The following GRIK3 variants were observed in gnomAD, a reference collection of about 807,000 sequenced individuals.
The protein encoded by GRIK3 is glutamate ionotropic receptor kainate type subunit 3, also known as glutamate receptor ionotropic, kainate 3.
Under a neutral mutation model 102.5 loss-of-function variants are expected in GRIK3, and 29 were observed. The observed-to-expected ratio is 0.28, with a 90% confidence interval of 0.21 to 0.39. GRIK3 has a LOEUF of 0.39. Ranked by LOEUF, GRIK3 falls within the 10% of genes least tolerant of loss-of-function variation. GRIK3 has a pLI of 1.00. For synonymous variants in GRIK3, 511 were observed against 504.9 expected, an observed-to-expected ratio of 1.01 and a Z score of -0.16; for missense variants, 908 against 1,252.4, an observed-to-expected ratio of 0.73 and a Z score of 4.15.
At chr1:37,010,963 G>T (rs922403308) in intron 1 of GRIK3, among the ~76,000 whole-genome samples, 1 of 151,844 alleles carries the variant, frequency 6.6e-6, no homozygotes, top group Non-Finnish European at 1.5e-5. Flanking sequence ...GGATGATCTC[G>T]ATCTCCTGAC....
At chr1:36,860,081 C>T in intron 5 of GRIK3, 64 bp from the exon 6 acceptor site, 1 of 1,308,322 alleles carries the variant, frequency 7.6e-7, no homozygotes, top group South Asian at 1.4e-5. Flanking sequence ...AGCCCCGCCT[C>T]CTACCCACTC....
At position 36,880,186 on chromosome 1, in the gene GRIK3, G is replaced by A. The variant is rs1433671083; in HGVS notation, c.550+448C>T. 6.6e-6 allele frequency among the ~76,000 whole-genome samples: 1 copy of A among 152,200 alleles called. No homozygotes were observed. Among genetic ancestry groups the A allele is most frequent in the Non-Finnish European group, 1.5e-5 (1 of 68,040 alleles). On this transcript the variant is annotated intron_variant, in intron 3 of 15. Coordinates refer to ENST00000373091, the MANE Select transcript of GRIK3 (RefSeq NM_000831.4). The surrounding 1 kb of genome is among the most constrained non-coding windows in gnomAD (Gnocchi z 5.4). ...ATAGAGATGGGATTTACACCCAGGT[G>A]GTTTGGCTCCAGTGTGTACACACTT... is the stretch of plus-strand genomic sequence containing the variant.
chr1:36,854,418 T>C (rs1404641974), intron 7 of GRIK3, among the ~76,000 whole-genome samples: 1 of 152,160 alleles, frequency 6.6e-6, no homozygotes, highest in Non-Finnish European at 1.5e-5. Context: ...GGATAAATGG[T>C]AGCTTTTTTG....
intron 13 of GRIK3, among the ~76,000 whole-genome samples, chr1:36,811,998 C>A (rs890728736): frequency 6.6e-6 from 1 of 152,104 alleles, no homozygotes. Context: ...TGACGACAGG[C>A]GGCATCACAC....
chr1:36,914,626 G>A (rs767239469), intron 1 of GRIK3, among the ~76,000 whole-genome samples: 2 of 152,188 alleles, frequency 1.3e-5, no homozygotes, highest in Non-Finnish European at 2.9e-5. Flanking sequence ...CCACATCTCA[G>A]TCAGCCCCAC....
rs1557684284 is a variant in GRIK3 at position 36,798,750 on chromosome 1, A to G, written c.*3101T>C. On this transcript the variant is annotated 3_prime_UTR_variant, in exon 16 of 16. Coordinates refer to ENST00000373091, the MANE Select transcript of GRIK3 (RefSeq NM_000831.4). The stretch of plus-strand genomic sequence containing the variant: ...GCCAAATATCAGCCACACCGACAAC[A>G]CCTGAACATCAGGACGCAAGGTTTG... 6.6e-6 allele frequency: 1 copy of G among 152,226 alleles called. No homozygotes were observed. Among genetic ancestry groups the G allele is most frequent in the East Asian group, 1.9e-4 (1 of 5,192 alleles). The allele number at this position is 152,226 out of a possible 1,614,324, so 9.4% of individuals were successfully genotyped here.
intron 1 of GRIK3, among the ~76,000 whole-genome samples, chr1:36,898,819 CA>C (rs1455063926): frequency 1.3e-5 from 2 of 152,056 alleles, no homozygotes; most frequent in Non-Finnish European, 2.9e-5. Context: ...CTAGAGTAAT[CA>C]AAACAGTGTG....
intron 10 of GRIK3, among the ~76,000 whole-genome samples, chr1:36,837,922 T>C (rs1447653437): frequency 6.6e-6 from 1 of 152,212 alleles, no homozygotes; most frequent in Non-Finnish European, 1.5e-5. Flanking sequence ...GTCTGATCAA[T>C]GTGAGTCAGC....
chr1:36,826,680 TAA>T (rs57217516), intron 10 of GRIK3, among the ~76,000 whole-genome samples: 18,120 of 108,050 alleles, frequency 0.17, 1,104 homozygotes, highest in Non-Finnish European at 0.2. Flanking sequence ...TTTCAAAAAA[TAA>T]AAAAAAAAAA....
intron 9 of GRIK3, among the ~76,000 whole-genome samples, chr1:36,848,726 C>T (rs1278379074): frequency 6.6e-6 from 1 of 150,702 alleles, no homozygotes; most frequent in African/African-American, 2.4e-5. Context: ...TAGTCTTCAC[C>T]CTAATCCCTT....
At chr1:36,993,357 G>T (rs1275413569) in intron 1 of GRIK3, among the ~76,000 whole-genome samples, 1 of 152,092 alleles carries the variant, frequency 6.6e-6, no homozygotes, top group East Asian at 1.9e-4. Context: ...GCTTAGAACT[G>T]GGCTCAAGTG....
chr1:37,026,258 G>T (rs987961111), intron 1 of GRIK3, among the ~76,000 whole-genome samples: 1 of 152,212 alleles, frequency 6.6e-6, no homozygotes, highest in African/African-American at 2.4e-5. Context: ...GGCGGTGTCT[G>T]GGAGCTGACA....
chr1:36,825,756 G>T lies in GRIK3; in HGVS notation c.1601C>A (p.Pro534His). 1 of 1,614,026 alleles carries T rather than the reference G, an allele frequency of 6.2e-7. No individual in the cohort carries two copies. ...VREKAIDFSK[P>H]FMTLGVSILY... ...GATGCTCACACCAAGTGTCATGAAGGGCTTGGAGAAGTCGATGGCCTTCTC... is the reference window on the plus strand; with the variant it reads ...GATGCTCACACCAAGTGTCATGAAGTGCTTGGAGAAGTCGATGGCCTTCTC... The change falls in exon 11 of 16, where the codon CCC becomes CAC. Residue 534 changes from proline (P) to histidine (H), a missense_variant. Around this residue, in one of 3 missense-constraint regions of GRIK3, gnomAD observed 585 missense variants for 824.9 expected, o/e 0.71. Coordinates refer to ENST00000373091, the MANE Select transcript of GRIK3 (RefSeq NM_000831.4).
chr1:36,974,751 C>T (rs1422721202), intron 1 of GRIK3, among the ~76,000 whole-genome samples: 1 of 145,732 alleles, frequency 6.9e-6, no homozygotes, highest in Non-Finnish European at 1.5e-5. Context: ...AGTGAGCTGA[C>T]ATTGCGCCAC....
rs1409118238 is a variant in GRIK3 at position 36,817,150 on chromosome 1, T to A, written c.2001A>T (p.Glu667Asp). ...LAAFLTVERM[E>D]SPIDSADDLA... ...GGTCATCAGCAGAGTCAATGGGTGA[T>A]TCCATGCGCTCCACGGTCAGAAAGG... The change falls in exon 13 of 16, where the codon GAA becomes GAT. Residue 667 changes from glutamate (E) to aspartate (D), a missense_variant. By Grantham distance (45) the Glu-to-Asp change is conservative. Around this residue, in one of 3 missense-constraint regions of GRIK3, gnomAD observed 297 missense variants for 362.7 expected, o/e 0.82. Coordinates refer to ENST00000373091, the MANE Select transcript of GRIK3 (RefSeq NM_000831.4). The A allele has an allele frequency of 1.2e-6, 2 of 1,614,102 alleles. No individual in the cohort carries two copies.
At chr1:36,923,423 A>G (rs1429805959) in intron 1 of GRIK3, among the ~76,000 whole-genome samples, 1 of 152,070 alleles carries the variant, frequency 6.6e-6, no homozygotes, top group African/African-American at 2.4e-5. Context: ...CTGACTGGAG[A>G]CCCTAGAAAT....
In GRIK3 at chr1:36,880,545, G is replaced by T; in HGVS notation, c.550+89C>A. ...GAACACAGCCTCTTCCCCCAGGGCA[G>T]CTGTGCTGAACAAACAGACAAGAGC... On this transcript the variant is annotated intron_variant, in intron 3 of 15. Transcript: ENST00000373091. This position sits in a 1 kb window ranked among gnomAD's most constrained non-coding sequence, Gnocchi z 5.4. 1 of 1,299,238 alleles carries T rather than the reference G, an allele frequency of 7.7e-7. No individual in the cohort carries two copies. Among genetic ancestry groups the T allele is most frequent in the Non-Finnish European group, 1.1e-6 (1 of 908,386 alleles). 80.5% of individuals were successfully genotyped at this position (1,299,238 alleles called of 1,614,324 possible). A position where few individuals can be genotyped will look rare whatever the true frequency, so the allele number is the denominator to read the frequency against.
chr1:36,923,341 T>C (rs983451588), intron 1 of GRIK3, among the ~76,000 whole-genome samples: 2 of 152,202 alleles, frequency 1.3e-5, no homozygotes, highest in African/African-American at 4.8e-5. Flanking sequence ...CTAATCCATC[T>C]GTTAAAGGGA....
intron 1 of GRIK3, among the ~76,000 whole-genome samples, chr1:36,905,787 A>G (rs1303733988): frequency 1.3e-5 from 2 of 152,244 alleles, no homozygotes; most frequent in Admixed American, 6.5e-5. Flanking sequence ...AAAATGTGAA[A>G]ACAAACACAC....
Sources: allele counts gnomAD v4.1 joint callset (sites outside exome capture counted in the v4.1 genomes callset), GRCh38; gene constraint gnomAD v4.1.1; regional missense constraint gnomAD v4.1.1; non-coding constraint Gnocchi (gnomAD v3.1); transcripts MANE v1.5; gene names NCBI Gene and HGNC (gene_info 2026-07-23, HGNC 2026-07-21).